The following HMCN1 variants were observed in gnomAD, a reference collection of about 807,000 sequenced individuals.
The protein encoded by HMCN1 is hemicentin 1, also known as hemicentin-1.
Under a neutral mutation model 625.9 loss-of-function variants are expected in HMCN1, and 321 were observed. The observed-to-expected ratio is 0.51, with a 90% confidence interval of 0.47 to 0.56. The LOEUF (loss-of-function observed/expected upper bound fraction) is 0.56, where lower values mean the gene tolerates loss of function less well. Ranked by LOEUF, HMCN1 falls within the 20% of genes least tolerant of loss-of-function variation. HMCN1 has a pLI of 0.00. For synonymous variants in HMCN1, 2,425 were observed against 2,417.6 expected (o/e 1.00, Z -0.09); for missense variants, 6,588 against 6,887.3 (o/e 0.96, Z 1.54).
At position 185,844,874 on chromosome 1, in the gene HMCN1, T is replaced by C. The variant is rs534952056; in HGVS notation, c.269-1152T>C. On this transcript the variant is annotated intron_variant, in intron 1 of 106. Transcript: ENST00000271588. ...GCTCTGGGGATTGAAATATTTACTA[T>C]AGACATGCTGGATCCAACCAAAAAT... Among the ~76,000 whole-genome samples the C allele has an allele frequency of 3.3e-5, 5 of 152,354 alleles. No homozygotes were observed. The South Asian group carries it at 1.0e-3, about 32-fold the overall frequency.
chr1:186,114,795 C>A, intron 73 of HMCN1, 24 bp from the exon 74 acceptor site: 1 of 1,613,876 alleles, frequency 6.2e-7, no homozygotes, highest in African/African-American at 1.3e-5. Context: ...ATTCAGAAGA[C>A]TTCACTTGTG....
At chr1:185,812,346 A>T (rs1345569659) in intron 1 of HMCN1, among the ~76,000 whole-genome samples, 2 of 152,174 alleles carry the variant, frequency 1.3e-5, no homozygotes, top group African/African-American at 4.8e-5. Context: ...AGACTGCATC[A>T]TCTTAAAAGC....
intron 35 of HMCN1, among the ~76,000 whole-genome samples, chr1:186,022,787 C>T (rs1376791927): frequency 6.6e-6 from 1 of 151,812 alleles, no homozygotes; most frequent in Non-Finnish European, 1.5e-5. Flanking sequence ...TACCAGTAAG[C>T]TGGCCTTATG....
At chr1:185,750,320 A>T (rs1454996169) in intron 1 of HMCN1, among the ~76,000 whole-genome samples, 3 of 152,122 alleles carry the variant, frequency 2.0e-5, no homozygotes, top group African/African-American at 7.2e-5. Context: ...GTAGAGTTCT[A>T]CCTATGTCCA....
intron 82 of HMCN1, among the ~76,000 whole-genome samples, chr1:186,126,920 G>C (rs1413857977): frequency 1.3e-5 from 2 of 152,114 alleles, no homozygotes; most frequent in African/African-American, 4.8e-5. Flanking sequence ...ACAAGGACAG[G>C]AGCAGTGAGA....
chr1:185,994,813 A>G lies in HMCN1; in HGVS notation c.3506-2A>G. ...TTATTAATACCCAGTTATTATTTCT[A>G]GTTCCTCCAAAGATACAGCGTGGAC... On this transcript the variant is annotated splice_acceptor_variant, in intron 23 of 106. Transcript: ENST00000271588. LOFTEE classifies it high-confidence loss of function. 1 of 1,613,010 alleles carries G rather than the reference A, an allele frequency of 6.2e-7. No homozygotes were observed. Among genetic ancestry groups the G allele is most frequent in the Non-Finnish European group, 8.5e-7 (1 of 1,179,158 alleles).
rs1288798989 is a variant in HMCN1, at chr1:186,178,462, C to T, written c.15990C>T (p.Cys5330=). Reference sequence around the variant, plus strand: ...TGCCTAAACCTTGTGCACATCAGTGCTCCAACACCCCCGGCAGCTTCAAGT... The same window carrying T: ...TGCCTAAACCTTGTGCACATCAGTGTTCCAACACCCCCGGCAGCTTCAAGT... ...EQVPKPCAHQ[C]SNTPGSFKCI... is the part of the protein sequence containing the mutation. The change falls in exon 104 of 107, where the codon TGC becomes TGT. Residue 5330 remains cysteine, a synonymous_variant. Transcript: ENST00000271588. 6.2e-7 allele frequency: 1 copy of T among 1,614,034 alleles called. No homozygotes were observed. Among genetic ancestry groups the T allele is most frequent in the South Asian group, 1.1e-5 (1 of 91,076 alleles).
In HMCN1 at chr1:185,808,877, G is replaced by T. The variant is rs58655627; in HGVS notation, c.269-37149G>T. Among the ~76,000 whole-genome samples the T allele has an allele frequency of 7.9e-3, 1,200 of 152,230 alleles. 11 individuals carry two copies. The highest frequency in any genetic ancestry group is 0.028 in the African/African-American group (1,157 of 41,532). ...AACTCTTACAGGAAGAGTCAAAAAAGTATTCAGAAGGGAAATAGCAATAGG... is the reference window on the plus strand; with the variant it reads ...AACTCTTACAGGAAGAGTCAAAAAATTATTCAGAAGGGAAATAGCAATAGG... On this transcript the variant is annotated intron_variant, in intron 1 of 106. Coordinates refer to ENST00000271588, the MANE Select transcript of HMCN1 (RefSeq NM_031935.3).
intron 66 of HMCN1, among the ~76,000 whole-genome samples, chr1:186,093,933 A>T (rs1425469347): frequency 6.6e-6 from 1 of 152,056 alleles, no homozygotes; most frequent in East Asian, 1.9e-4. Flanking sequence ...ATTTCCAGGA[A>T]TTACTGTTTT....
Position 186,144,284 on chromosome 1 carries a change from G to A in HMCN1, c.14036G>A (p.Gly4679Glu). 6.2e-7 allele frequency: 1 copy of A among 1,613,992 alleles called. No homozygotes were observed. Among genetic ancestry groups the A allele is most frequent in the Admixed American group, 1.7e-5 (1 of 60,014 alleles). The change falls in exon 90 of 107, where the codon GGG becomes GAG. Residue 4679 changes from glycine to glutamate, a missense_variant. Gly to Glu is a moderately conservative substitution (Grantham distance 98). Around this residue, in one of 3 missense-constraint regions of HMCN1, gnomAD observed 1,954 missense variants for 2,013.1 expected, o/e 0.97. Transcript: ENST00000271588. Reference sequence around the variant, plus strand: ...AATAACCCACCACCAGCGTTTGGTGGGTCCTACTGTGATGGAGCAGAAACA... The same window carrying A: ...AATAACCCACCACCAGCGTTTGGTGAGTCCTACTGTGATGGAGCAGAAACA... ...LCNNPPPAFG[G>E]SYCDGAETQM...
intron 89 of HMCN1, among the ~76,000 whole-genome samples, chr1:186,140,290 G>A (rs76801320): frequency 0.014 from 2,066 of 151,964 alleles, 43 homozygotes; most frequent in African/African-American, 0.043. Context: ...GTGTCCCTTT[G>A]GTCTCTTTTA....
At chr1:186,185,432 A>ATT (rs1198325383) in intron 105 of HMCN1, among the ~76,000 whole-genome samples, 2 of 152,210 alleles carry the variant, frequency 1.3e-5, no homozygotes, top group Non-Finnish European at 2.9e-5. Context: ...GGCTGATAAA[A>ATT]TCATAATTAG....
chr1:185,829,048 T>C (rs945062859), intron 1 of HMCN1, among the ~76,000 whole-genome samples: 1 of 152,054 alleles, frequency 6.6e-6, no homozygotes, highest in Non-Finnish European at 1.5e-5. Context: ...AAATGTACAG[T>C]ACACAAATAC....
At chr1:185,907,027 G>A (rs903319927) in intron 4 of HMCN1, among the ~76,000 whole-genome samples, 1 of 146,614 alleles carries the variant, frequency 6.8e-6, no homozygotes, top group African/African-American at 2.5e-5. Context: ...TCAACACTCT[G>A]ATTATTAAAG....
At chr1:185,928,381 T>C (rs1667380565) in intron 9 of HMCN1, among the ~76,000 whole-genome samples, 165 bp from the exon 10 acceptor site, 1 of 152,196 alleles carries the variant, frequency 6.6e-6, no homozygotes, top group Non-Finnish European at 1.5e-5. Flanking sequence ...TCTAGTAAAA[T>C]ATAAATGGTG....
intron 105 of HMCN1, among the ~76,000 whole-genome samples, chr1:186,185,749 A>C (rs1653257759): frequency 6.6e-6 from 1 of 152,202 alleles, no homozygotes; most frequent in African/African-American, 2.4e-5. Context: ...ACCATTATCC[A>C]ACTACCAAAT....
chr1:185,893,899 A>C (rs1665309242), intron 4 of HMCN1, among the ~76,000 whole-genome samples: 1 of 152,178 alleles, frequency 6.6e-6, no homozygotes, highest in South Asian at 2.1e-4. Flanking sequence ...GTACATTACC[A>C]GGACTCCATA....
At chr1:185,780,628 C>G (rs1245499989) in intron 1 of HMCN1, among the ~76,000 whole-genome samples, 1 of 152,162 alleles carries the variant, frequency 6.6e-6, no homozygotes, top group African/African-American at 2.4e-5. Context: ...GTCTTTGGTT[C>G]TGTTTATATG....
chr1:186,103,159 C>T (rs112984857), intron 68 of HMCN1, among the ~76,000 whole-genome samples: 3 of 151,984 alleles, frequency 2.0e-5, no homozygotes, highest in Non-Finnish European at 2.9e-5. Flanking sequence ...GTACAAGCTG[C>T]GTTTGGTTTT....
Sources: gnomAD v4.1 joint callset for allele counts (sites outside exome capture counted in the v4.1 genomes callset) on GRCh38, gnomAD v4.1.1 for gene constraint, gnomAD v4.1.1 regional missense constraint, MANE v1.5 for transcripts, NCBI Gene and HGNC (gene_info 2026-07-23, HGNC 2026-07-21) for gene names.